The following VPS13B variants were observed in gnomAD, a reference collection of about 807,000 sequenced individuals.
VPS13B encodes intermembrane lipid transfer protein VPS13B.
A neutral mutation model predicts 426.4 loss-of-function variants in VPS13B; 285 were observed. The observed-to-expected ratio is 0.67, with a 90% CI of 0.61 to 0.74. The LOEUF (loss-of-function observed/expected upper bound fraction) is 0.74, where lower values mean the gene tolerates loss of function less well. Among genes scored for constraint, VPS13B ranks in the 30% least tolerant of loss-of-function variants. The pLI, the probability that VPS13B is intolerant of heterozygous loss-of-function variation, is 0.00. For missense variants in VPS13B, 4,537 were observed against 4,782.6 expected, an observed-to-expected ratio of 0.95 and a Z score of 1.51; for synonymous variants, 1,676 against 1,676.4, an observed-to-expected ratio of 1.00 and a Z score of 0.01.
chr8:99,258,442 A>G lies in VPS13B; in HGVS notation c.2516-15756A>G, dbSNP rs561079701. 2.0e-5 allele frequency among the ~76,000 whole-genome samples: 3 copies of G among 152,156 alleles called. No homozygotes were observed. In the East Asian group the frequency reaches 5.8e-4, roughly 29 times the overall value. ...TGTTATCGGTATCACAACAATAATT[A>G]GTTATCATTCTTCTCCTGACATAGC... On this transcript the variant is annotated intron_variant, in intron 17 of 61. Transcript: ENST00000357162.
At chr8:99,030,652 A>T (rs1307890085) in intron 2 of VPS13B, among the ~76,000 whole-genome samples, 1 of 152,216 alleles carries the variant, frequency 6.6e-6, no homozygotes, top group Non-Finnish European at 1.5e-5. Context: ...TATGATAATC[A>T]TACAAATGCA....
chr8:99,870,874 G>A lies in VPS13B; in HGVS notation c.11482G>A (p.Val3828Ile). 6.2e-7 allele frequency: 1 copy of A among 1,614,134 alleles called. No individual in the cohort carries two copies. Among genetic ancestry groups the A allele is most frequent in the Non-Finnish European group, 8.5e-7 (1 of 1,179,984 alleles). ...LHADQAPNSH[V>I]KYVWKMLQSL... ...TGCTGACCAGGCTCCAAACAGCCAT[G>A]TCAAATATGTCTGGTAAAATTATTG... Residue 3828 changes from valine (V) to isoleucine (I), a missense_variant, in exon 60 of 62, where the codon GTC becomes ATC. Physicochemically the swap from Val to Ile is conservative, Grantham distance 29 (BLOSUM62 3). This residue lies in a region of VPS13B where 4,311 missense variants were observed against 4,474.3 expected (regional missense o/e 0.96). Transcript: ENST00000357162.
At chr8:99,313,437 A>G (rs1347835781) in intron 19 of VPS13B, among the ~76,000 whole-genome samples, 2 of 152,224 alleles carry the variant, frequency 1.3e-5, no homozygotes, top group Non-Finnish European at 2.9e-5. Flanking sequence ...GGTCCACTCC[A>G]GACCCTGTTT....
chr8:99,804,134 G>T, intron 43 of VPS13B: 1 of 152,500 alleles, frequency 6.6e-6, no homozygotes, highest in South Asian at 2.0e-4. Flanking sequence ...TATTTGGACA[G>T]ACCTGGGGTG....
intron 2 of VPS13B, among the ~76,000 whole-genome samples, chr8:99,031,673 A>G (rs1842513831): frequency 6.6e-6 from 1 of 151,998 alleles, no homozygotes; most frequent in Non-Finnish European, 1.5e-5. Context: ...CAATATCAGC[A>G]TTTTCTGTGA....
chr8:99,688,159 A>C (rs1164083589), intron 35 of VPS13B, among the ~76,000 whole-genome samples: 3 of 110,434 alleles, frequency 2.7e-5, no homozygotes. Flanking sequence ...TTTTTATCTG[A>C]GGAGCTTGTT....
intron 16 of VPS13B, among the ~76,000 whole-genome samples, chr8:99,192,647 A>G (rs1041010963): frequency 6.6e-6 from 1 of 152,172 alleles, no homozygotes; most frequent in Non-Finnish European, 1.5e-5. Context: ...GTGTAGGTGA[A>G]TATGTGTGTA....
At chr8:99,104,305 A>G (rs1379965194) in intron 5 of VPS13B, among the ~76,000 whole-genome samples, 2 of 152,222 alleles carry the variant, frequency 1.3e-5, no homozygotes, top group Non-Finnish European at 2.9e-5. Context: ...CATCATAGAT[A>G]TATAGTCTGT....
chr8:99,284,576 T>C (rs1819334906), intron 19 of VPS13B, among the ~76,000 whole-genome samples: 1 of 152,164 alleles, frequency 6.6e-6, no homozygotes. Context: ...TTTACTTTTT[T>C]TTTTGAGATA....
At chr8:99,783,747 C>T (rs1294680286) in intron 42 of VPS13B, among the ~76,000 whole-genome samples, 2 of 152,178 alleles carry the variant, frequency 1.3e-5, no homozygotes, top group East Asian at 3.8e-4. Context: ...TTTGTATGTT[C>T]AGCCTCTTAA....
rs564146526 is a variant in VPS13B, at chr8:99,833,197, A to G, written c.9614+545A>G. On this transcript the variant is annotated intron_variant, in intron 52 of 61. Transcript: ENST00000357162. ...GTCGTTCCTGCACGCAAGTTGCTCCAATTACCGATTACCAGTTATGCAAAT... is the reference window on the plus strand; with the variant it reads ...GTCGTTCCTGCACGCAAGTTGCTCCGATTACCGATTACCAGTTATGCAAAT... Among the ~76,000 whole-genome samples, 131 of 151,970 alleles carry G rather than the reference A, an allele frequency of 8.6e-4. 2 individuals are homozygous for G. The South Asian group carries it at 0.026, about 31-fold the overall frequency.
chr8:99,404,709 C>T (rs1325317169), intron 21 of VPS13B, among the ~76,000 whole-genome samples: 3 of 151,948 alleles, frequency 2.0e-5, no homozygotes, highest in Non-Finnish European at 4.4e-5. Context: ...AAATATAAAT[C>T]AAGAATTAGG....
chr8:99,168,324 C>T (rs1413295259), intron 15 of VPS13B, among the ~76,000 whole-genome samples: 1 of 151,998 alleles, frequency 6.6e-6, no homozygotes, highest in Non-Finnish European at 1.5e-5. Flanking sequence ...AGACAACCAG[C>T]AGGGGATCTC....
chr8:99,488,757 A>C (rs546880619), intron 25 of VPS13B, among the ~76,000 whole-genome samples: 1 of 152,036 alleles, frequency 6.6e-6, no homozygotes, highest in Non-Finnish European at 1.5e-5. Flanking sequence ...AAATTTGTTT[A>C]AGTTCTTTGT....
At chr8:99,542,529 T>G (rs546386203) in intron 30 of VPS13B, among the ~76,000 whole-genome samples, 14 of 152,270 alleles carry the variant, frequency 9.2e-5, no homozygotes, top group Non-Finnish European at 1.6e-4. Flanking sequence ...GATGCTTGTT[T>G]TTTGTATCAG....
chr8:99,562,951 T>G (rs1825008691), intron 31 of VPS13B, among the ~76,000 whole-genome samples: 1 of 152,140 alleles, frequency 6.6e-6, no homozygotes, highest in Non-Finnish European at 1.5e-5. Context: ...AGCCAGGAGT[T>G]TAAGATCAGC....
At chr8:99,175,473 A>G in intron 16 of VPS13B, among the ~76,000 whole-genome samples, 1 of 152,340 alleles carries the variant, frequency 6.6e-6, no homozygotes, top group Non-Finnish European at 1.5e-5. Flanking sequence ...GCAATATACA[A>G]AAATTTATTA....
chr8:99,507,589 T>C (rs1370564895), intron 28 of VPS13B, among the ~76,000 whole-genome samples: 3 of 152,248 alleles, frequency 2.0e-5, no homozygotes, highest in African/African-American at 7.2e-5. Flanking sequence ...TATTTTTTGT[T>C]TACTTTCATT....
chr8:99,552,969 A>G (rs577503177), intron 30 of VPS13B, among the ~76,000 whole-genome samples: 6 of 152,260 alleles, frequency 3.9e-5, no homozygotes, highest in African/African-American at 1.4e-4. Context: ...CTATCACCAC[A>G]GAGGTCCGTA....
Sources: gnomAD v4.1 joint callset for allele counts (sites outside exome capture counted in the v4.1 genomes callset) on GRCh38, gnomAD v4.1.1 for gene constraint, gnomAD v4.1.1 regional missense constraint, MANE v1.5 for transcripts, NCBI Gene and HGNC (gene_info 2026-07-23, HGNC 2026-07-21) for gene names.